Variants in RNF150 observed in about 807,000 individuals in gnomAD.
RNF150 encodes ring finger protein 150.
Under a neutral mutation model 39.3 loss-of-function variants are expected in RNF150, and 24 were observed. The observed-to-expected ratio is 0.61, with a 90% CI of 0.44 to 0.86. The LOEUF (loss-of-function observed/expected upper bound fraction) is 0.86, where lower values mean the gene tolerates loss of function less well. Ranked by LOEUF, RNF150 falls within the 40% of genes least tolerant of loss-of-function variation. RNF150 has a pLI of 0.00. For missense variants in RNF150, 502 were observed against 587.8 expected, an observed-to-expected ratio of 0.85 and a Z score of 1.51; for synonymous variants, 255 against 227.3, an observed-to-expected ratio of 1.12 and a Z score of -1.10.
chr4:141,058,138 T>C (rs1244215609), intron 1 of RNF150, among the ~76,000 whole-genome samples: 1 of 152,190 alleles, frequency 6.6e-6, no homozygotes, highest in Admixed American at 6.5e-5. Flanking sequence ...AATGACTAAA[T>C]ATCTATTTTA....
chr4:141,072,027 G>T (rs1737725336), intron 1 of RNF150, among the ~76,000 whole-genome samples: 1 of 152,184 alleles, frequency 6.6e-6, no homozygotes, highest in South Asian at 2.1e-4. Context: ...TTAAAATGCA[G>T]ATTCTGATGC....
At chr4:140,970,217 C>T (rs1733410600) in intron 1 of RNF150, among the ~76,000 whole-genome samples, 1 of 152,178 alleles carries the variant, frequency 6.6e-6, no homozygotes, top group South Asian at 2.1e-4. Flanking sequence ...TTACTTTTTA[C>T]ATTTAAATCT....
intron 1 of RNF150, among the ~76,000 whole-genome samples, chr4:141,007,598 A>C (rs1390871452): frequency 2.0e-5 from 3 of 152,248 alleles, no homozygotes; most frequent in Admixed American, 1.3e-4. Flanking sequence ...TTACTTTAGA[A>C]GATAAAATTT....
intron 2 of RNF150, among the ~76,000 whole-genome samples, chr4:140,953,928 G>C (rs545836875): frequency 1.3e-5 from 2 of 152,286 alleles, no homozygotes; most frequent in East Asian, 3.9e-4. Context: ...TACGAAGAGG[G>C]AAGGAAAACT....
intron 1 of RNF150, among the ~76,000 whole-genome samples, chr4:141,146,046 C>T (rs1333657591): frequency 6.6e-6 from 1 of 152,190 alleles, no homozygotes; most frequent in African/African-American, 2.4e-5. Context: ...TGTTACATTA[C>T]AAGGAAGAAT....
In RNF150 at chr4:140,860,141, T is replaced by C. The variant is rs1444303651; in HGVS notation, c.*8120A>G. 1.3e-5 allele frequency: 2 copies of C among 151,938 alleles called. No homozygotes were observed. Among genetic ancestry groups the C allele is most frequent in the East Asian group, 3.9e-4 (2 of 5,194 alleles). The allele number at this position is 151,938 out of a possible 1,614,324, so 9.4% of individuals were successfully genotyped here. ...AATTCCTTTAAAGACAGTTACTTTT[T>C]TTTTTTTTTCAATTTCTTTGTATTT... On this transcript the variant is annotated 3_prime_UTR_variant, in exon 7 of 7. Transcript: ENST00000515673.
At chr4:141,127,598 C>T (rs1011935746) in intron 1 of RNF150, among the ~76,000 whole-genome samples, 1 of 152,174 alleles carries the variant, frequency 6.6e-6, no homozygotes, top group African/African-American at 2.4e-5. Context: ...AGATCTACTA[C>T]ATTTTGCCTC....
intron 4 of RNF150, among the ~76,000 whole-genome samples, chr4:140,938,452 AAG>A (rs1030007430): frequency 6.6e-6 from 1 of 152,218 alleles, no homozygotes; most frequent in African/African-American, 2.4e-5. Context: ...TTAAGGATCC[AAG>A]ATATGAATCC....
chr4:141,078,733 T>G (rs1302147024), intron 1 of RNF150, among the ~76,000 whole-genome samples: 4 of 138,988 alleles, frequency 2.9e-5, no homozygotes, highest in Non-Finnish European at 6.0e-5. Context: ...GAGCTTGCAG[T>G]GAGCCGAGAT....
chr4:141,005,665 G>A (rs79982274), intron 1 of RNF150, among the ~76,000 whole-genome samples: 19 of 152,274 alleles, frequency 1.2e-4, no homozygotes, highest in African/African-American at 4.6e-4. Context: ...AACAAATTGA[G>A]TGTTAACCAA....
At chr4:140,983,417 T>C (rs369740765) in intron 1 of RNF150, among the ~76,000 whole-genome samples, 5 of 152,176 alleles carry the variant, frequency 3.3e-5, no homozygotes, top group African/African-American at 1.2e-4. Flanking sequence ...AGCATAAATT[T>C]GTCTTCCTTT....
intron 1 of RNF150, among the ~76,000 whole-genome samples, chr4:141,178,210 ATGTC>A (rs764222106): frequency 1.6e-4 from 25 of 151,844 alleles, no homozygotes; most frequent in Non-Finnish European, 3.2e-4. Flanking sequence ...TGTTTTCTCA[ATGTC>A]TGTTGCACCC....
At chr4:140,980,903 T>A (rs1210190356) in intron 1 of RNF150, among the ~76,000 whole-genome samples, 1 of 152,180 alleles carries the variant, frequency 6.6e-6, no homozygotes, top group Non-Finnish European at 1.5e-5. Context: ...GCAGAAGTTA[T>A]CTGGAAATTC....
At chr4:140,932,947 G>A (rs986294356) in intron 4 of RNF150, among the ~76,000 whole-genome samples, 15 of 152,226 alleles carry the variant, frequency 9.9e-5, no homozygotes, top group African/African-American at 3.6e-4. Flanking sequence ...CAAAGCATGA[G>A]TGAGATATCC....
At chr4:141,198,893 T>C (rs1052440869) in intron 1 of RNF150, among the ~76,000 whole-genome samples, 4 of 152,198 alleles carry the variant, frequency 2.6e-5, no homozygotes, top group African/African-American at 4.8e-5. Flanking sequence ...ATTAGACTTA[T>C]CAAAGTTAAA....
chr4:141,084,143 G>A (rs1039399900), intron 1 of RNF150, among the ~76,000 whole-genome samples: 20 of 152,136 alleles, frequency 1.3e-4, no homozygotes, highest in African/African-American at 4.3e-4. Flanking sequence ...CAGTACTCTT[G>A]AATGTTCATC....
chr4:140,940,988 A>G (rs149082391), intron 4 of RNF150, among the ~76,000 whole-genome samples: 120 of 152,266 alleles, frequency 7.9e-4, no homozygotes, highest in African/African-American at 2.7e-3. Flanking sequence ...CTAAGCCCCA[A>G]TTTTGGGGTA....
intron 1 of RNF150, among the ~76,000 whole-genome samples, chr4:140,993,236 C>T (rs908322674): frequency 2.6e-5 from 4 of 152,304 alleles, no homozygotes; most frequent in Non-Finnish European, 4.4e-5. Context: ...GAACCTATGT[C>T]CTTGGCTTTT....
At chr4:140,978,187 G>A (rs1276980478) in intron 1 of RNF150, among the ~76,000 whole-genome samples, 1 of 152,104 alleles carries the variant, frequency 6.6e-6, no homozygotes, top group East Asian at 1.9e-4. Context: ...GCTCATATAA[G>A]TTGCTGAATG....
Sources: gnomAD v4.1 joint callset for allele counts (sites outside exome capture counted in the v4.1 genomes callset) on GRCh38, gnomAD v4.1.1 for gene constraint, MANE v1.5 for transcripts, NCBI Gene and HGNC (gene_info 2026-07-23, HGNC 2026-07-21) for gene names.